The following PLD1 variants were observed in gnomAD, a reference collection of about 807,000 sequenced individuals.
PLD1 encodes the protein choline phosphatase 1.
PLD1 carries 112 observed loss-of-function variants against 137.1 expected under a neutral mutation model. That is an observed-to-expected ratio of 0.82 (90% CI 0.70 to 0.96). PLD1 has a LOEUF of 0.96. Ranked by LOEUF, PLD1 falls within the 40% of genes least tolerant of loss-of-function variation. PLD1 has a pLI of 0.00. For synonymous variants in PLD1, 431 were observed against 454.7 expected (o/e 0.95, Z 0.66); for missense variants, 1,321 against 1,342.0 (o/e 0.98, Z 0.24).
intron 1 of PLD1, among the ~76,000 whole-genome samples, chr3:171,751,054 AT>A (rs1475634732): frequency 1.3e-5 from 2 of 152,212 alleles, no homozygotes; most frequent in Non-Finnish European, 2.9e-5. Flanking sequence ...AATGAAAAAA[AT>A]AATGGAGAAA....
intron 8 of PLD1, among the ~76,000 whole-genome samples, chr3:171,723,101 C>G (rs1299013583): frequency 6.6e-6 from 1 of 152,022 alleles, no homozygotes; most frequent in Non-Finnish European, 1.5e-5. Context: ...CTTAATTATC[C>G]TATTTGTTTG....
chr3:171,619,923 T>TA (rs11399852), intron 24 of PLD1, among the ~76,000 whole-genome samples: 7,111 of 147,924 alleles, frequency 0.048, 409 homozygotes, highest in African/African-American at 0.14. Context: ...TTTTAAAAAT[T>TA]AAAAAAAAAA....
intron 11 of PLD1, among the ~76,000 whole-genome samples, chr3:171,705,161 G>A (rs1171688741): frequency 6.6e-6 from 1 of 152,142 alleles, no homozygotes; most frequent in Non-Finnish European, 1.5e-5. Context: ...TGAATTTGAA[G>A]GCAAATAAAT....
intron 1 of PLD1, among the ~76,000 whole-genome samples, chr3:171,780,080 T>C (rs146219292): frequency 0.018 from 2,698 of 151,958 alleles, 86 homozygotes; most frequent in East Asian, 0.063. Context: ...AAGTCTGAGA[T>C]TCAGGACTGG....
At position 171,688,831 on chromosome 3, in the gene PLD1, C is replaced by T; in HGVS notation, c.1384G>A (p.Ala462Thr). ...DHVSSTVYLW[A>T]HHEKLVIIDQ... ...ATGATGACAAGCTTCTCATGGTGAG[C>T]CCACAAATAGACGGTGGATGACACA... is the stretch of plus-strand genomic sequence containing the variant. Residue 462 changes from alanine to threonine, a missense_variant, in exon 14 of 27, where the codon GCT becomes ACT. Transcript: ENST00000351298. 1 of 1,614,028 alleles carries T rather than the reference C, an allele frequency of 6.2e-7. No individual in the cohort carries two copies. The highest frequency in any genetic ancestry group is 1.1e-5 in the South Asian group (1 of 91,078).
At chr3:171,643,082 T>C (rs1458134725) in intron 22 of PLD1, 193 bp from the exon 23 acceptor site, 3 of 432,908 alleles carry the variant, frequency 6.9e-6, no homozygotes, top group Non-Finnish European at 1.2e-5. Flanking sequence ...AGGGACATGA[T>C]AGTTGTTTTG....
chr3:171,664,110 C>T (rs980776376), intron 19 of PLD1, among the ~76,000 whole-genome samples: 7 of 151,854 alleles, frequency 4.6e-5, no homozygotes, highest in Admixed American at 4.6e-4. Context: ...ATATGTGCAA[C>T]AAAATTTCAA....
intron 1 of PLD1, among the ~76,000 whole-genome samples, chr3:171,797,732 TG>T (rs1723487959): frequency 6.6e-6 from 1 of 152,230 alleles, no homozygotes. Context: ...CCTAATAATA[TG>T]AAAAAAGCTG....
At chr3:171,687,304 A>T in intron 15 of PLD1, 67 bp downstream of exon 15, 1 of 1,260,560 alleles carries the variant, frequency 7.9e-7, no homozygotes, top group Non-Finnish European at 1.2e-6. Flanking sequence ...AAAAACAGGT[A>T]TGTAGTGTCT....
At chr3:171,701,111 C>G (rs1192185863) in intron 11 of PLD1, among the ~76,000 whole-genome samples, 1 of 152,080 alleles carries the variant, frequency 6.6e-6, no homozygotes, top group Non-Finnish European at 1.5e-5. Flanking sequence ...ATTTTATGCT[C>G]TATTTCATTC....
chr3:171,621,419 C>T (rs1162789771), intron 23 of PLD1, among the ~76,000 whole-genome samples: 1 of 152,052 alleles, frequency 6.6e-6, no homozygotes, highest in Non-Finnish European at 1.5e-5. Context: ...AGAGAGCATA[C>T]ATTTTTTTTT....
chr3:171,692,406 C>T lies in PLD1; in HGVS notation c.1264G>A (p.Glu422Lys). 1 of 1,602,952 alleles carries T rather than the reference C, an allele frequency of 6.2e-7. No homozygotes were observed. Among genetic ancestry groups the T allele is most frequent in the Non-Finnish European group, 8.5e-7 (1 of 1,169,762 alleles). ...TTGATGCCAAGAGCGAGTTCCACCT[C>T]TTTGTAGAGCATTATGAAGATCCTC... ...GVRIFIMLYK[E>K]VELALGINSE... The change falls in exon 13 of 27, where the codon GAG becomes AAG. Residue 422 changes from glutamate (E) to lysine (K), a missense_variant. Physicochemically the swap from Glu to Lys is moderately conservative, Grantham distance 56 (BLOSUM62 1). Transcript: ENST00000351298.
rs1560133341 is a variant in PLD1 at position 171,601,640 on chromosome 3, C to T, written c.*1438G>A. The T allele has an allele frequency of 1.3e-5, 2 of 152,102 alleles. No individual in the cohort carries two copies. Among genetic ancestry groups the T allele is most frequent in the Non-Finnish European group, 2.9e-5 (2 of 68,026 alleles). 9.4% of individuals were successfully genotyped at this position (152,102 alleles called of 1,614,324 possible). On this transcript the variant is annotated 3_prime_UTR_variant, in exon 27 of 27. Coordinates refer to ENST00000351298, the MANE Select transcript of PLD1 (RefSeq NM_002662.5). ...GACTTTGTGCTCCTGTTTAATTTTT[C>T]CAACTGAAGTATTAGCTTTATGAAA...
At chr3:171,783,711 C>T (rs561646507) in intron 1 of PLD1, among the ~76,000 whole-genome samples, 1 of 152,222 alleles carries the variant, frequency 6.6e-6, no homozygotes, top group South Asian at 2.1e-4. Context: ...AGTACAATCA[C>T]GGTTCACTAC....
chr3:171,762,855 AAG>A (rs1560285997), intron 1 of PLD1, among the ~76,000 whole-genome samples: 1 of 152,222 alleles, frequency 6.6e-6, no homozygotes, highest in Non-Finnish European at 1.5e-5. Flanking sequence ...GGGCAGCTAT[AAG>A]AGTGTAAATT....
chr3:171,625,290 G>A (rs1032267794), intron 23 of PLD1, among the ~76,000 whole-genome samples: 4 of 152,226 alleles, frequency 2.6e-5, no homozygotes, highest in Non-Finnish European at 2.9e-5. Flanking sequence ...AGGTGGCAGC[G>A]AGGCTGGGGG....
At position 171,662,078 on chromosome 3, in the gene PLD1, C is replaced by T. The variant is rs759347279; in HGVS notation, c.2322G>A (p.Arg774=). The part of the protein sequence containing the change: ...AAYVHVIENS[R]HYIYIENQFF... ...GACTTACTTCGATATAGATATAGTG[C>T]CTGCTGTTCTCTATCACATGGACGT... Residue 774 remains arginine (R), a synonymous_variant, in exon 20 of 27, where the codon AGG becomes AGA. Coordinates refer to ENST00000351298, the MANE Select transcript of PLD1 (RefSeq NM_002662.5). 4 of 1,600,186 alleles carry T rather than the reference C, an allele frequency of 2.5e-6. No individual in the cohort carries two copies. In the Admixed American group the frequency reaches 6.7e-5, roughly 27 times the overall value.
At position 171,623,472 on chromosome 3, in the gene PLD1, G is replaced by A. The variant is rs576153653; in HGVS notation, c.2594-2952C>T. On this transcript the variant is annotated intron_variant, in intron 23 of 26. Transcript: ENST00000351298. Reference sequence around the variant, plus strand: ...TGGGACTACAGGCGCCCACCACCACGCCTTGCTAATTTTTTTTTTTTTTGC... The same window carrying A: ...TGGGACTACAGGCGCCCACCACCACACCTTGCTAATTTTTTTTTTTTTTGC... 1.6e-3 allele frequency among the ~76,000 whole-genome samples: 164 copies of A among 102,932 alleles called. 1 individual carries two copies. The highest frequency in any genetic ancestry group is 2.0e-3 in the Admixed American group (19 of 9,284). The allele number at this position is 102,932 out of a possible 152,430, so 67.5% of individuals were successfully genotyped here.
At chr3:171,631,898 T>A (rs1205752915) in intron 23 of PLD1, among the ~76,000 whole-genome samples, 4 of 152,192 alleles carry the variant, frequency 2.6e-5, no homozygotes, top group African/African-American at 7.2e-5. Flanking sequence ...ATTTGGTAAC[T>A]ATCATGATAA....
Sources: allele counts gnomAD v4.1 joint callset (sites outside exome capture counted in the v4.1 genomes callset), GRCh38; gene constraint gnomAD v4.1.1; transcripts MANE v1.5; gene names NCBI Gene and HGNC (gene_info 2026-07-23, HGNC 2026-07-21).